FARP1: variants seen among roughly 807,000 people sequenced by gnomAD.
FARP1 encodes the protein FERM, ARH/RhoGEF and pleckstrin domain protein 1.
A neutral mutation model predicts 128.8 loss-of-function variants in FARP1; 52 were observed. That is an observed-to-expected ratio of 0.40 (90% CI 0.32 to 0.51). FARP1 has a LOEUF of 0.51. Among genes scored for constraint, FARP1 ranks in the 20% least tolerant of loss-of-function variants. The pLI is 0.45. For missense variants in FARP1, 1,333 were observed against 1,367.9 expected, an observed-to-expected ratio of 0.97 and a Z score of 0.40; for synonymous variants, 580 against 551.8, an observed-to-expected ratio of 1.05 and a Z score of -0.72.
At chr13:98,177,355 GC>G (rs1878160525) in intron 1 of FARP1, 2 of 796,392 alleles carry the variant, frequency 2.5e-6, no homozygotes, top group Non-Finnish European at 3.8e-6. Context: ...TGAAAGAAAA[GC>G]TTCTGCTAGG....
At chr13:98,327,713 T>G (rs1887295824) in intron 2 of FARP1, among the ~76,000 whole-genome samples, 1 of 152,196 alleles carries the variant, frequency 6.6e-6, no homozygotes, top group African/African-American at 2.4e-5. Flanking sequence ...CTGATTGCTG[T>G]CACTCTGGAC....
intron 1 of FARP1, chr13:98,177,218 G>C: frequency 6.4e-7 from 1 of 1,563,914 alleles, no homozygotes; most frequent in South Asian, 1.2e-5. Flanking sequence ...GTCCTTCCTG[G>C]AGAAGGTGGC....
intron 6 of FARP1, among the ~76,000 whole-genome samples, chr13:98,383,436 G>GT (rs1305436954): frequency 6.6e-6 from 1 of 152,198 alleles, no homozygotes; most frequent in African/African-American, 2.4e-5. Flanking sequence ...CTGCTGCCAG[G>GT]TGAGTTGGCA....
At chr13:98,272,648 T>A (rs1382153268) in intron 2 of FARP1, among the ~76,000 whole-genome samples, 2 of 152,178 alleles carry the variant, frequency 1.3e-5, no homozygotes, top group Non-Finnish European at 2.9e-5. Flanking sequence ...GAGTATCTTG[T>A]CCTGAAAGAT....
At chr13:98,273,001 G>A (rs559486943) in intron 2 of FARP1, among the ~76,000 whole-genome samples, 4 of 152,306 alleles carry the variant, frequency 2.6e-5, no homozygotes, top group East Asian at 3.9e-4. Flanking sequence ...ACTGGGAAAC[G>A]TAGTCTGAAG....
chr13:98,153,350 T>A (rs1275926850), intron 1 of FARP1, among the ~76,000 whole-genome samples: 7 of 32,526 alleles, frequency 2.2e-4, no homozygotes, highest in African/African-American at 3.1e-4. Context: ...ATAATATATA[T>A]AAAAATATAT....
At chr13:98,258,604 A>T (rs1355845743) in intron 2 of FARP1, among the ~76,000 whole-genome samples, 3 of 152,176 alleles carry the variant, frequency 2.0e-5, no homozygotes, top group East Asian at 3.9e-4. Flanking sequence ...TTGTGATCAC[A>T]GCATTTTGGG....
At chr13:98,287,299 C>T (rs1356058339) in intron 2 of FARP1, among the ~76,000 whole-genome samples, 5 of 140,102 alleles carry the variant, frequency 3.6e-5, no homozygotes, top group Admixed American at 7.7e-5. Context: ...GGCTCAGTCT[C>T]GGCCACTGCA....
At chr13:98,309,942 A>G (rs1159360073) in intron 2 of FARP1, among the ~76,000 whole-genome samples, 1 of 152,174 alleles carries the variant, frequency 6.6e-6, no homozygotes, top group African/African-American at 2.4e-5. Context: ...AGTAATCCCC[A>G]TACACTTGGG....
intron 5 of FARP1, among the ~76,000 whole-genome samples, chr13:98,372,590 C>G (rs1035920837): frequency 6.6e-6 from 1 of 152,160 alleles, no homozygotes; most frequent in Non-Finnish European, 1.5e-5. Flanking sequence ...TTCTCTTAGA[C>G]TGCAGGAGAA....
intron 6 of FARP1, among the ~76,000 whole-genome samples, chr13:98,380,161 T>C (rs978898660): frequency 1.1e-4 from 16 of 152,160 alleles, no homozygotes; most frequent in Admixed American, 1.0e-3. Context: ...AAAGAGTAGA[T>C]TTTGGCCAGG....
intron 2 of FARP1, among the ~76,000 whole-genome samples, chr13:98,225,399 G>A (rs1167273396): frequency 6.6e-6 from 1 of 152,146 alleles, no homozygotes; most frequent in Non-Finnish European, 1.5e-5. Flanking sequence ...TCATGCCCTG[G>A]GGTTTATTAC....
At chr13:98,414,875 T>A (rs1891318760) in intron 16 of FARP1, among the ~76,000 whole-genome samples, 1 of 152,230 alleles carries the variant, frequency 6.6e-6, no homozygotes, top group Admixed American at 6.5e-5. Flanking sequence ...CAAAGCATGA[T>A]GGCTCCCATC....
At chr13:98,366,421 C>A (rs1291409519) in intron 4 of FARP1, among the ~76,000 whole-genome samples, 1 of 152,232 alleles carries the variant, frequency 6.6e-6, no homozygotes, top group African/African-American at 2.4e-5. Flanking sequence ...GCATGGCTGG[C>A]AGGCAACGAC....
chr13:98,385,974 C>A, intron 8 of FARP1, 160 bp downstream of exon 8: 1 of 666,040 alleles, frequency 1.5e-6, no homozygotes, highest in Non-Finnish European at 2.5e-6. Context: ...TTTCCCAGGC[C>A]CTCAGCTCCC....
intron 1 of FARP1, among the ~76,000 whole-genome samples, chr13:98,190,361 T>C (rs1879140560): frequency 6.6e-6 from 1 of 152,210 alleles, no homozygotes; most frequent in South Asian, 2.1e-4. Context: ...CTGTTGTTTC[T>C]AGAGATACAT....
intron 13 of FARP1, chr13:98,403,926 A>AGCTT (rs1890871560): frequency 6.5e-6 from 1 of 152,766 alleles, no homozygotes; most frequent in Non-Finnish European, 1.5e-5. Context: ...TGATGGCTGA[A>AGCTT]GCTTTGTCCT....
At chr13:98,297,179 A>C (rs117607646) in intron 2 of FARP1, among the ~76,000 whole-genome samples, 2,145 of 152,318 alleles carry the variant, frequency 0.014, 16 homozygotes, top group South Asian at 0.036. Flanking sequence ...GCTGTAGGGT[A>C]GCCTTAGTGC....
chr13:98,394,384 G>A (rs1031636378), intron 12 of FARP1, among the ~76,000 whole-genome samples: 2 of 152,226 alleles, frequency 1.3e-5, no homozygotes, highest in African/African-American at 4.8e-5. Flanking sequence ...AAGCAAACAT[G>A]TCCTTTGTCG....
Sources: allele counts gnomAD v4.1 joint callset (sites outside exome capture counted in the v4.1 genomes callset), GRCh38; gene constraint gnomAD v4.1.1; transcripts MANE v1.5; gene names NCBI Gene and HGNC (gene_info 2026-07-23, HGNC 2026-07-21).